The following TARBP1 variants were observed in gnomAD, a reference collection of about 807,000 sequenced individuals.
TARBP1 encodes tRNA (guanosine(18)-2'-O)-methyltransferase TARBP1.
TARBP1 carries 144 observed loss-of-function variants against 178.6 expected under a neutral mutation model. That is an observed-to-expected ratio of 0.81 (90% CI 0.70 to 0.93). The LOEUF is 0.93. Ranked by LOEUF, TARBP1 falls within the 40% of genes least tolerant of loss-of-function variation. The probability of loss-of-function intolerance (pLI) is 0.00; values close to 1 mark genes in which losing one functional copy is unlikely to be tolerated. For missense variants in TARBP1, 2,067 were observed against 2,011.7 expected (o/e 1.03, Z -0.53); for synonymous variants, 787 against 781.0 (o/e 1.01, Z -0.13).
chr1:234,393,527 C>T (rs1168521820), intron 27 of TARBP1, 41 bp from the exon 28 acceptor site: 1 of 1,567,712 alleles, frequency 6.4e-7, no homozygotes, highest in Non-Finnish European at 8.7e-7. Flanking sequence ...GTTCCCAGCA[C>T]AATGCTAAGC....
intron 17 of TARBP1, 150 bp downstream of exon 17, chr1:234,428,986 T>C: frequency 1.5e-6 from 1 of 677,798 alleles, no homozygotes; most frequent in South Asian, 2.8e-5. Flanking sequence ...TTTCTCATTC[T>C]TACTCTTGAT....
At position 234,420,755 on chromosome 1, in the gene TARBP1, C is replaced by G; in HGVS notation, c.3502G>C (p.Val1168Leu). 6.2e-7 allele frequency: 1 copy of G among 1,613,040 alleles called. No homozygotes were observed. Among genetic ancestry groups the G allele is most frequent in the Non-Finnish European group, 8.5e-7 (1 of 1,179,540 alleles). Residue 1168 changes from valine to leucine, a missense_variant, in exon 21 of 30, where the codon GTG becomes CTG. Transcript: ENST00000040877. ...RYYVNSLQHR[V>L]KNRVWQTLLV... is the part of the protein sequence containing the mutation. Reference sequence around the variant, plus strand: ...AGAGTCTGCCACACTCGGTTTTTCACTCTGTGCTGTAGAGAATTCACATAG... The same window carrying G: ...AGAGTCTGCCACACTCGGTTTTTCAGTCTGTGCTGTAGAGAATTCACATAG...
Position 234,391,499 on chromosome 1 carries a change from C to A in TARBP1, c.*78G>T. 7.1e-7 allele frequency: 1 copy of A among 1,404,654 alleles called. No homozygotes were observed. The highest frequency in any genetic ancestry group is 1.6e-5 in the South Asian group (1 of 62,294). 87.0% of individuals were successfully genotyped at this position (1,404,654 alleles called of 1,614,324 possible). A position where few individuals can be genotyped will look rare whatever the true frequency, so the allele number is the denominator to read the frequency against. On this transcript the variant is annotated 3_prime_UTR_variant, in exon 30 of 30. Coordinates refer to ENST00000040877, the MANE Select transcript of TARBP1 (RefSeq NM_005646.4). ...AAATACAAATTATCACAATAAATTTCAGAATCTGTTTCTTTAGTCCAAATA... is the reference window on the plus strand; with the variant it reads ...AAATACAAATTATCACAATAAATTTAAGAATCTGTTTCTTTAGTCCAAATA...
chr1:234,464,680 G>T (rs372187264), intron 5 of TARBP1, among the ~76,000 whole-genome samples: 1 of 152,138 alleles, frequency 6.6e-6, no homozygotes, highest in African/African-American at 2.4e-5. Context: ...ATATAACGTG[G>T]CAGAGACTAA....
Position 234,478,571 on chromosome 1 carries a change from C to A in TARBP1, c.533G>T (p.Gly178Val). ...GTCCTCGGCAGGCCCGGCCTCATCC[C>A]CGTCCCCGCCCCCGCCCAGCGCCAG... ...VALALGGGGD[G>V]DEAGPAEDAA... The change falls in exon 1 of 30, where the codon GGG (glycine) becomes GTG (valine). Residue 178 changes from glycine (G) to valine (V), a missense_variant. Coordinates refer to ENST00000040877, the MANE Select transcript of TARBP1 (RefSeq NM_005646.4). 1 of 1,292,450 alleles carries A rather than the reference C, an allele frequency of 7.7e-7. No homozygotes were observed. Among genetic ancestry groups the A allele is most frequent in the Non-Finnish European group, 9.8e-7 (1 of 1,022,878 alleles). The allele number at this position is 1,292,450 out of a possible 1,614,324, so 80.1% of individuals were successfully genotyped here. A position where few individuals can be genotyped will look rare whatever the true frequency, so the allele number is the denominator to read the frequency against.
intron 12 of TARBP1, among the ~76,000 whole-genome samples, chr1:234,445,115 TG>T (rs774133853): frequency 1.5e-4 from 23 of 152,172 alleles, no homozygotes; most frequent in Admixed American, 3.9e-4. Flanking sequence ...CTAAATTGGA[TG>T]GTCAATTCCC....
intron 24 of TARBP1, among the ~76,000 whole-genome samples, chr1:234,403,015 T>C (rs977174525): frequency 6.6e-6 from 1 of 152,190 alleles, no homozygotes; most frequent in African/African-American, 2.4e-5. Context: ...TCTGTCCCTC[T>C]ACTAATCTCA....
chr1:234,456,906 T>A (rs1244387289), intron 9 of TARBP1, among the ~76,000 whole-genome samples: 1 of 152,212 alleles, frequency 6.6e-6, no homozygotes, highest in Non-Finnish European at 1.5e-5. Context: ...TTCTATTTTT[T>A]AAAGGCCACA....
intron 22 of TARBP1, among the ~76,000 whole-genome samples, chr1:234,415,685 C>A (rs1359954439): frequency 6.6e-6 from 1 of 152,182 alleles, no homozygotes; most frequent in African/African-American, 2.4e-5. Context: ...GAAAACCCTC[C>A]TCCACTGCAG....
intron 23 of TARBP1, chr1:234,406,323 T>C: frequency 1.8e-6 from 1 of 550,988 alleles, no homozygotes; most frequent in South Asian, 2.4e-5. Context: ...CTAGTTTTCA[T>C]TAATGCTGCA....
chr1:234,459,177 C>T (rs1667588025), intron 8 of TARBP1, 53 bp downstream of exon 8: 26 of 1,385,960 alleles, frequency 1.9e-5, no homozygotes, highest in Non-Finnish European at 2.6e-5. Context: ...CATTTCTGTA[C>T]ACCCACTCAC....
chr1:234,410,776 C>T (rs16843058), intron 22 of TARBP1, among the ~76,000 whole-genome samples: 1 of 152,192 alleles, frequency 6.6e-6, no homozygotes, highest in Non-Finnish European at 1.5e-5. Flanking sequence ...TACTGAATAA[C>T]TCAACTCTAA....
At chr1:234,474,245 A>AACACACACACACACAC (rs35976593) in intron 1 of TARBP1, among the ~76,000 whole-genome samples, 4 of 81,592 alleles carry the variant, frequency 4.9e-5, no homozygotes, top group East Asian at 2.6e-4. Flanking sequence ...TTGTCTCTAA[A>AACACACACACACACAC]ACACACACAC....
At chr1:234,464,676 C>T (rs3754310) in intron 5 of TARBP1, among the ~76,000 whole-genome samples, 12,796 of 152,126 alleles carry the variant, frequency 0.084, 927 homozygotes, top group East Asian at 0.27. Flanking sequence ...ATTAATATAA[C>T]GTGGCAGAGA....
At position 234,429,679 on chromosome 1, in the gene TARBP1, T is replaced by C. The variant is rs1324444908; in HGVS notation, c.2610-2A>G. ...GAAGATGACGATTCTTCCAAAACAC[T>C]GAAATAAAAAATAAAGTTACTAGGC... On this transcript the variant is annotated splice_acceptor_variant, in intron 15 of 29. Coordinates refer to ENST00000040877, the MANE Select transcript of TARBP1 (RefSeq NM_005646.4). LOFTEE classifies it high-confidence loss of function. 1 of 1,583,362 alleles carries C rather than the reference T, an allele frequency of 6.3e-7. No homozygotes were observed. The highest frequency in any genetic ancestry group is 8.6e-7 in the Non-Finnish European group (1 of 1,165,532).
chr1:234,479,139 A>G lies in TARBP1; in HGVS notation c.-36T>C, dbSNP rs1231499878. The G allele has an allele frequency of 8.7e-6, 13 of 1,494,038 alleles. No individual in the cohort carries two copies. Among genetic ancestry groups the G allele is most frequent in the East Asian group, 2.8e-5 (1 of 36,240 alleles). The allele number at this position is 1,494,038 out of a possible 1,614,324, so 92.5% of individuals were successfully genotyped here. A position where few individuals can be genotyped will look rare whatever the true frequency, so the allele number is the denominator to read the frequency against. ...CCCGCGCCACCGGCCCGGGCTCCCA[A>G]AGGAAGGCGCCGGCGTGTGCGATGC... On this transcript the variant is annotated 5_prime_UTR_variant, in exon 1 of 30. Coordinates refer to ENST00000040877, the MANE Select transcript of TARBP1 (RefSeq NM_005646.4).
At chr1:234,434,379 T>C (rs1664794177) in intron 13 of TARBP1, among the ~76,000 whole-genome samples, 1 of 152,220 alleles carries the variant, frequency 6.6e-6, no homozygotes, top group Non-Finnish European at 1.5e-5. Context: ...TAATCAGTTT[T>C]TACTGAGCAA....
chr1:234,472,841 C>A (rs757726690), intron 1 of TARBP1, 30 bp from the exon 2 acceptor site: 121 of 1,503,556 alleles, frequency 8.0e-5, no homozygotes, highest in Non-Finnish European at 1.0e-4. Flanking sequence ...AAAATTAGTT[C>A]TTCCTTTTGC....
In TARBP1 at chr1:234,446,868, C is replaced by CT; in HGVS notation, c.2068dup (p.Arg690LysfsTer23). The CT allele has an allele frequency of 6.2e-7, 1 of 1,614,040 alleles. No individual in the cohort carries two copies. Among genetic ancestry groups the CT allele is most frequent in the Non-Finnish European group, 8.5e-7 (1 of 1,179,980 alleles). Reference sequence around the variant, plus strand: ...CAGCTTCAACAGCAGCTGGAGGCATCTGTCAGTCTTCAGCAAGGGCATGTA... The same window carrying CT: ...CAGCTTCAACAGCAGCTGGAGGCATCTTGTCAGTCTTCAGCAAGGGCATGTA... On this transcript the variant is annotated frameshift_variant, in exon 12 of 30. Coordinates refer to ENST00000040877, the MANE Select transcript of TARBP1 (RefSeq NM_005646.4). LOFTEE classifies it high-confidence loss of function.
Sources: gnomAD v4.1 joint callset for allele counts (sites outside exome capture counted in the v4.1 genomes callset) on GRCh38, gnomAD v4.1.1 for gene constraint, MANE v1.5 for transcripts, NCBI Gene and HGNC (gene_info 2026-07-23, HGNC 2026-07-21) for gene names.